The following RSU1 variants were observed in gnomAD, a reference collection of about 807,000 sequenced individuals.
RSU1 encodes rsu-1.
A neutral mutation model predicts 31.1 loss-of-function variants in RSU1; 26 were observed. The ratio of observed to expected loss-of-function variants is 0.84; its 90% CI spans 0.61 to 1.16. RSU1 has a LOEUF of 1.16. RSU1 is among the 50% of genes most tolerant of loss of function. The pLI is 0.00. For synonymous variants in RSU1, 164 were observed against 136.3 expected, an observed-to-expected ratio of 1.20 and a Z score of -1.41; for missense variants, 320 against 339.1, an observed-to-expected ratio of 0.94 and a Z score of 0.44.
At chr10:16,808,859 G>A (rs1374924948) in intron 2 of RSU1, among the ~76,000 whole-genome samples, 2 of 152,290 alleles carry the variant, frequency 1.3e-5, no homozygotes, top group East Asian at 3.9e-4. Flanking sequence ...TTGTCCTCAT[G>A]AGAAGAGGAA....
Position 16,817,092 on chromosome 10 carries a change from GAAC to G in RSU1, c.-3-11_-3-9del, listed in dbSNP as rs751149753. On this transcript the variant is annotated splice_polypyrimidine_tract_variant and intron_variant, in intron 1 of 8. Coordinates refer to ENST00000345264, the MANE Select transcript of RSU1 (RefSeq NM_012425.4). ...CAGAGACTTGGACATGGTCTGCACC[GAAC>G]AACAACAAAGCACGTGGGCGATGAC... is the stretch of plus-strand genomic sequence containing the variant. 15 of 1,592,184 alleles carry G rather than the reference GAAC, an allele frequency of 9.4e-6. No homozygotes were observed. The Admixed American group carries it at 1.7e-4, about 18-fold the overall frequency.
chr10:16,641,563 G>T (rs930074176), intron 8 of RSU1, among the ~76,000 whole-genome samples: 1 of 152,042 alleles, frequency 6.6e-6, no homozygotes, highest in African/African-American at 2.4e-5. Flanking sequence ...ATTGGTTGTT[G>T]TAAGTACATC....
chr10:16,602,945 C>T (rs1245731093), intron 8 of RSU1, among the ~76,000 whole-genome samples: 1 of 152,236 alleles, frequency 6.6e-6, no homozygotes, highest in African/African-American at 2.4e-5. Context: ...GGGCTGGTGA[C>T]AGAACCTGAG....
intron 3 of RSU1, among the ~76,000 whole-genome samples, chr10:16,767,699 A>G (rs55773539): frequency 0.033 from 5,061 of 152,172 alleles, 196 homozygotes; most frequent in East Asian, 0.14. Context: ...CAATATTTAG[A>G]GAATGCTGAT....
chr10:16,634,561 C>G (rs947149901), intron 8 of RSU1, among the ~76,000 whole-genome samples: 1 of 152,210 alleles, frequency 6.6e-6, no homozygotes, highest in Non-Finnish European at 1.5e-5. Flanking sequence ...TTGTAGCAGC[C>G]TCATCCTTTT....
chr10:16,725,586 G>C (rs1836377205), intron 7 of RSU1, among the ~76,000 whole-genome samples: 1 of 151,870 alleles, frequency 6.6e-6, no homozygotes, highest in East Asian at 1.9e-4. Flanking sequence ...GCTTATAACA[G>C]GGCTTAAGAA....
At chr10:16,785,406 CTA>C (rs56207689) in intron 2 of RSU1, among the ~76,000 whole-genome samples, 1 of 85,328 alleles carries the variant, frequency 1.2e-5, no homozygotes, top group Non-Finnish European at 2.0e-5. Flanking sequence ...CTCTATCTTT[CTA>C]TATATATATA....
At chr10:16,631,139 T>G (rs1834238820) in intron 8 of RSU1, among the ~76,000 whole-genome samples, 1 of 152,238 alleles carries the variant, frequency 6.6e-6, no homozygotes, top group Admixed American at 6.5e-5. Flanking sequence ...TCCAACTGTC[T>G]GCTAGCAAAC....
intron 7 of RSU1, among the ~76,000 whole-genome samples, chr10:16,731,832 A>G (rs1471015231): frequency 6.6e-6 from 1 of 151,848 alleles, no homozygotes; most frequent in Admixed American, 6.6e-5. Flanking sequence ...CTACTGAGGT[A>G]TAAAAAGTAG....
At chr10:16,702,287 C>T (rs1564323571) in intron 7 of RSU1, among the ~76,000 whole-genome samples, 1 of 152,230 alleles carries the variant, frequency 6.6e-6, no homozygotes, top group Non-Finnish European at 1.5e-5. Flanking sequence ...GGAGCCCAGA[C>T]ACACAGTCTC....
chr10:16,691,341 G>T (rs935150290), intron 8 of RSU1, among the ~76,000 whole-genome samples: 2 of 142,926 alleles, frequency 1.4e-5, no homozygotes, highest in Middle Eastern at 4.0e-3. Context: ...ATCAGTTTGT[G>T]TTAATCTGGT....
chr10:16,666,420 C>T (rs1834988381), intron 8 of RSU1, among the ~76,000 whole-genome samples: 1 of 152,206 alleles, frequency 6.6e-6, no homozygotes, highest in Non-Finnish European at 1.5e-5. Flanking sequence ...TCTCAAATAA[C>T]ATGTTGATCT....
intron 2 of RSU1, among the ~76,000 whole-genome samples, chr10:16,800,962 CAA>C (rs772645083): frequency 7.1e-5 from 10 of 140,864 alleles, no homozygotes; most frequent in African/African-American, 2.0e-4. Context: ...GAGCAGAAGA[CAA>C]AAAAAAAAAG....
intron 7 of RSU1, among the ~76,000 whole-genome samples, chr10:16,699,290 C>T (rs1455727187): frequency 1.3e-5 from 2 of 152,220 alleles, no homozygotes; most frequent in Non-Finnish European, 2.9e-5. Flanking sequence ...CTGCAACCCT[C>T]CCAGCAAGCG....
At chr10:16,683,217 C>T (rs542886366) in intron 8 of RSU1, among the ~76,000 whole-genome samples, 82 of 122,696 alleles carry the variant, frequency 6.7e-4, no homozygotes, top group African/African-American at 2.4e-3. Context: ...ACTTGGAGAG[C>T]CATTTAAACA....
intron 4 of RSU1, among the ~76,000 whole-genome samples, chr10:16,761,672 C>T (rs1273407043): frequency 1.3e-5 from 2 of 151,998 alleles, no homozygotes; most frequent in Non-Finnish European, 1.5e-5. Flanking sequence ...CTGGCTAACA[C>T]CGCAAAATCC....
chr10:16,768,835 A>C (rs1837370059), intron 3 of RSU1, among the ~76,000 whole-genome samples: 1 of 152,196 alleles, frequency 6.6e-6, no homozygotes, highest in African/African-American at 2.4e-5. Flanking sequence ...CAAGCAGCCC[A>C]AAGTGCCTGA....
chr10:16,639,216 A>G (rs1189773998), intron 8 of RSU1, among the ~76,000 whole-genome samples: 1 of 152,250 alleles, frequency 6.6e-6, no homozygotes, highest in Non-Finnish European at 1.5e-5. Flanking sequence ...TCAAAATCAC[A>G]CGTGACTCCG....
intron 8 of RSU1, among the ~76,000 whole-genome samples, chr10:16,638,309 CG>C (rs1375192687): frequency 6.6e-6 from 1 of 151,844 alleles, no homozygotes; most frequent in African/African-American, 2.4e-5. Flanking sequence ...TTTTTTCGCG[CG>C]CATGTGTGTA....
Sources: gnomAD v4.1 joint callset for allele counts (sites outside exome capture counted in the v4.1 genomes callset) on GRCh38, gnomAD v4.1.1 for gene constraint, MANE v1.5 for transcripts, NCBI Gene and HGNC (gene_info 2026-07-23, HGNC 2026-07-21) for gene names.